The following INTS3 variants were observed in gnomAD, a reference collection of about 807,000 sequenced individuals.
The protein encoded by INTS3 is SOSS complex subunit A.
INTS3 carries 34 observed loss-of-function variants against 146.3 expected under a neutral mutation model. The ratio of observed to expected loss-of-function variants is 0.23; its 90% CI spans 0.18 to 0.31. INTS3 has a LOEUF of 0.31. INTS3 is among the 10% of genes least tolerant of loss of function. The pLI is 1.00. For synonymous variants in INTS3, 475 were observed against 494.9 expected (o/e 0.96, Z 0.53); for missense variants, 757 against 1,304.2 (o/e 0.58, Z 6.46).
intron 9 of INTS3, among the ~76,000 whole-genome samples, chr1:153,756,650 T>C (rs1672173983): frequency 6.6e-6 from 1 of 151,502 alleles, no homozygotes; most frequent in South Asian, 2.1e-4. Context: ...ACCCCGTCTC[T>C]ACTAAAAATA....
chr1:153,762,787 A>G lies in INTS3; in HGVS notation c.1576A>G (p.Ser526Gly). 2 of 1,614,192 alleles carry G rather than the reference A, an allele frequency of 1.2e-6. No homozygotes were observed. Among genetic ancestry groups the G allele is most frequent in the Non-Finnish European group, 1.7e-6 (2 of 1,180,024 alleles). The change falls in exon 15 of 30, where the codon AGT becomes GGT. Residue 526 changes from serine to glycine, a missense_variant. Physicochemically the swap from Ser to Gly is moderately conservative, Grantham distance 56. This residue lies in a region of INTS3 where 97 missense variants were observed against 113.6 expected (regional missense o/e 0.85). Coordinates refer to ENST00000318967, the MANE Select transcript of INTS3 (RefSeq NM_023015.5). ...MDNHMSDKDESCYDNAEAAFS... is the reference protein window; with the variant it reads ...MDNHMSDKDEGCYDNAEAAFS... ...CAACCATATGTCGGATAAGGATGAG[A>G]GTTGCTATGACAATGCAGAGGCAGC...
At chr1:153,767,548 A>G (rs1286822766) in intron 20 of INTS3, 126 bp from the exon 21 acceptor site, 3 of 910,348 alleles carry the variant, frequency 3.3e-6, no homozygotes, top group Non-Finnish European at 4.7e-6. Context: ...TGGGAGGGAC[A>G]TGAGGCAGAT....
intron 20 of INTS3, chr1:153,766,857 CTT>C (rs1672608529): frequency 6.6e-6 from 1 of 151,422 alleles, no homozygotes; most frequent in Admixed American, 6.6e-5. Context: ...GCCCGGCTAA[CTT>C]TTTGTGTGTG....
rs538268341 is a variant in INTS3, at chr1:153,764,884, C to A, written c.1971-60C>A. ...GACAGCCCATGCCACCTGAGAAACT[C>A]CATGGGAGAGTCTGCCCTGGGTAAA... On this transcript the variant is annotated intron_variant, in intron 19 of 29. Coordinates refer to ENST00000318967, the MANE Select transcript of INTS3 (RefSeq NM_023015.5). 441 of 1,609,460 alleles carry A rather than the reference C, an allele frequency of 2.7e-4. 1 individual carries two copies. The African/African-American group carries it at 5.3e-3, about 19-fold the overall frequency.
rs1673013728 is a variant in INTS3, at chr1:153,773,823, A to T, written c.*553A>T. 5.8e-6 allele frequency: 1 copy of T among 171,832 alleles called. No individual in the cohort carries two copies. The highest frequency in any genetic ancestry group is 1.9e-4 in the South Asian group (1 of 5,398). The allele number at this position is 171,832 out of a possible 1,614,324, so 10.6% of individuals were successfully genotyped here. A position where few individuals can be genotyped will look rare whatever the true frequency, so the allele number is the denominator to read the frequency against. ...CATTCCTAATCATGGGGCAGATGCC[A>T]CAAGCATTCAGAAAGGAGTCTGAAA... is the stretch of plus-strand genomic sequence containing the variant. On this transcript the variant is annotated 3_prime_UTR_variant, in exon 30 of 30. Coordinates refer to ENST00000318967, the MANE Select transcript of INTS3 (RefSeq NM_023015.5).
intron 19 of INTS3, 64 bp downstream of exon 19, chr1:153,764,798 G>A (rs1672514948): frequency 3.3e-6 from 5 of 1,522,198 alleles, no homozygotes; most frequent in Non-Finnish European, 4.6e-6. Context: ...ACACACATGT[G>A]CTCCTGTCCT....
chr1:153,766,981 A>G (rs1672614223), intron 20 of INTS3: 1 of 152,164 alleles, frequency 6.6e-6, no homozygotes, highest in Non-Finnish European at 1.5e-5. Flanking sequence ...AAGCGCTGGG[A>G]TTACAGGCAT....
intron 1 of INTS3, among the ~76,000 whole-genome samples, chr1:153,731,573 C>T (rs1199041807): frequency 7.9e-5 from 11 of 138,758 alleles, no homozygotes; most frequent in Non-Finnish European, 6.2e-5. Flanking sequence ...GGCCCAAGAG[C>T]GTCCTCTTTT....
chr1:153,732,980 A>G (rs1186618246), intron 1 of INTS3, among the ~76,000 whole-genome samples: 2 of 149,146 alleles, frequency 1.3e-5, no homozygotes, highest in East Asian at 4.0e-4. Flanking sequence ...ATTTTTTTGT[A>G]TTTTTAGTAG....
chr1:153,737,602 G>GATT (rs1195842899), intron 1 of INTS3, among the ~76,000 whole-genome samples: 2 of 152,108 alleles, frequency 1.3e-5, no homozygotes, highest in African/African-American at 2.4e-5. Flanking sequence ...AGGTTCAGGC[G>GATT]ATTCCTCTGC....
Position 153,761,684 on chromosome 1 carries a change from G to T in INTS3, c.1516+8G>T, listed in dbSNP as rs1357727144. Reference sequence around the variant, plus strand: ...CCTCCCCACCTGTGGAAGGTATGAGGCCCGCCCATTCCATCACCTGTGTCA... The same window carrying T: ...CCTCCCCACCTGTGGAAGGTATGAGTCCCGCCCATTCCATCACCTGTGTCA... On this transcript the variant is annotated splice_region_variant and intron_variant, in intron 14 of 29. Coordinates refer to ENST00000318967, the MANE Select transcript of INTS3 (RefSeq NM_023015.5). 1.3e-6 allele frequency: 2 copies of T among 1,591,304 alleles called. No homozygotes were observed. Among genetic ancestry groups the T allele is most frequent in the African/African-American group, 1.3e-5 (1 of 74,490 alleles).
At position 153,764,183 on chromosome 1, in the gene INTS3, C is replaced by A. The variant is rs781015200; in HGVS notation, c.1887C>A (p.His629Gln). Reference sequence around the variant, plus strand: ...GCCTACAGGAGCTCTTCAAGGCCCACTTTCGAGGGGAGGTCCTGCCTGAGG... The same window carrying A: ...GCCTACAGGAGCTCTTCAAGGCCCAATTTCGAGGGGAGGTCCTGCCTGAGG... ...ASCLQELFKA[H>Q]FRGEVLPEEI... Residue 629 changes from histidine (H) to glutamine (Q), a missense_variant, in exon 18 of 30, where the codon CAC becomes CAA. Transcript: ENST00000318967. 6.2e-7 allele frequency: 1 copy of A among 1,613,988 alleles called. No homozygotes were observed. The highest frequency in any genetic ancestry group is 1.1e-5 in the South Asian group (1 of 91,072).
intron 3 of INTS3, 120 bp from the exon 4 acceptor site, chr1:153,746,837 A>C (rs556998216): frequency 1.6e-6 from 1 of 642,188 alleles, no homozygotes; most frequent in South Asian, 1.9e-5. Flanking sequence ...TTTCATTGCT[A>C]CTCGGTGTCT....
At position 153,760,832 on chromosome 1, in the gene INTS3, T is replaced by G; in HGVS notation, c.1323T>G (p.Ile441Met). The G allele has an allele frequency of 6.2e-7, 1 of 1,613,528 alleles. No homozygotes were observed. Among genetic ancestry groups the G allele is most frequent in the Non-Finnish European group, 8.5e-7 (1 of 1,179,428 alleles). The change falls in exon 13 of 30, where the codon ATT becomes ATG. Residue 441 changes from isoleucine to methionine, a missense_variant. By Grantham distance (10) the Ile-to-Met change is conservative (BLOSUM62 1). Around this residue, in one of 8 missense-constraint regions of INTS3, gnomAD observed 97 missense variants for 113.6 expected, o/e 0.85. Coordinates refer to ENST00000318967, the MANE Select transcript of INTS3 (RefSeq NM_023015.5). ...ATLLDFMCRI[I>M]PNFYPPLEGH... is the part of the protein sequence containing the mutation. ...CCCTCCTTCTTCGCTTCCAGATCAT[T>G]CCCAACTTCTATCCACCATTGGAGG... is the stretch of plus-strand genomic sequence containing the variant.
chr1:153,733,791 G>A (rs1053963201), intron 1 of INTS3, among the ~76,000 whole-genome samples: 3 of 151,658 alleles, frequency 2.0e-5, no homozygotes, highest in Non-Finnish European at 4.4e-5. Flanking sequence ...TTTTAGTAGA[G>A]ATGGGGTTTC....
chr1:153,739,744 C>G (rs1313550934), intron 1 of INTS3, among the ~76,000 whole-genome samples: 7 of 152,242 alleles, frequency 4.6e-5, no homozygotes, highest in Middle Eastern at 3.4e-3. Context: ...GCTGGGATTA[C>G]AGGCGTGAGC....
At chr1:153,770,057 GGGT>G (rs1345242622) in intron 23 of INTS3, 138 bp from the exon 24 acceptor site, 86 of 451,852 alleles carry the variant, frequency 1.9e-4, no homozygotes, top group Middle Eastern at 5.7e-4. Flanking sequence ...CAGTGGATTG[GGGT>G]GTGTGTGTGT....
intron 8 of INTS3, among the ~76,000 whole-genome samples, chr1:153,752,978 C>T (rs1672016866): frequency 6.6e-6 from 1 of 151,914 alleles, no homozygotes; most frequent in South Asian, 2.1e-4. Flanking sequence ...AACTGTACAG[C>T]TTTGCTCCCC....
At chr1:153,762,379 G>A (rs1235745895) in intron 14 of INTS3, among the ~76,000 whole-genome samples, 1 of 152,238 alleles carries the variant, frequency 6.6e-6, no homozygotes, top group African/African-American at 2.4e-5. Flanking sequence ...GGGACGGGGA[G>A]GTTGCAGTGA....
Sources: gnomAD v4.1 joint callset for allele counts (sites outside exome capture counted in the v4.1 genomes callset) on GRCh38, gnomAD v4.1.1 for gene constraint, gnomAD v4.1.1 regional missense constraint, MANE v1.5 for transcripts, NCBI Gene and HGNC (gene_info 2026-07-23, HGNC 2026-07-21) for gene names.